Variants in CALN1 observed in about 807,000 individuals in gnomAD.
The protein encoded by CALN1 is calneuron 1.
A neutral mutation model predicts 30.6 loss-of-function variants in CALN1; 17 were observed. That is an observed-to-expected ratio of 0.56 (90% CI 0.38 to 0.83). CALN1 has a LOEUF of 0.83. Ranked by LOEUF, CALN1 falls within the 40% of genes least tolerant of loss-of-function variation. CALN1 has a pLI of 0.00. For missense variants in CALN1, 291 were observed against 354.9 expected (o/e 0.82, Z 1.45); for synonymous variants, 156 against 131.4 (o/e 1.19, Z -1.28).
chr7:72,037,754 C>T (rs1412473000), intron 4 of CALN1, among the ~76,000 whole-genome samples: 1 of 151,846 alleles, frequency 6.6e-6, no homozygotes, highest in Non-Finnish European at 1.5e-5. Context: ...GCTGTCTTTA[C>T]CACCCAAGCC....
chr7:72,408,313 C>T (rs370607073), intron 1 of CALN1, among the ~76,000 whole-genome samples: 4 of 150,402 alleles, frequency 2.7e-5, no homozygotes, highest in East Asian at 3.9e-4. Context: ...TGGTGGCTCA[C>T]GCTTGTAGTC....
intron 5 of CALN1, among the ~76,000 whole-genome samples, chr7:71,911,489 T>A (rs1341520734): frequency 1.3e-5 from 2 of 152,168 alleles, no homozygotes; most frequent in Non-Finnish European, 2.9e-5. Context: ...GTCAGCTTAG[T>A]ACTCGAGAGG....
chr7:72,314,725 A>T (rs978571899), intron 2 of CALN1, among the ~76,000 whole-genome samples: 1 of 151,904 alleles, frequency 6.6e-6, no homozygotes, highest in Non-Finnish European at 1.5e-5. Context: ...ATATTTTTTA[A>T]TTTTTAAAAG....
intron 2 of CALN1, among the ~76,000 whole-genome samples, chr7:72,371,587 T>C (rs968717831): frequency 6.6e-6 from 1 of 152,216 alleles, no homozygotes; most frequent in African/African-American, 2.4e-5. Flanking sequence ...TGTGGAACTG[T>C]GAGTCAGTTA....
intron 2 of CALN1, among the ~76,000 whole-genome samples, chr7:72,339,122 C>T (rs576480647): frequency 1.3e-5 from 2 of 152,232 alleles, no homozygotes; most frequent in South Asian, 4.2e-4. Flanking sequence ...ATCTCCACTT[C>T]CATCCATGTA....
rs550109612 is a variant in CALN1, at chr7:72,405,439, G to A, written c.-73-1997C>T. Among the ~76,000 whole-genome samples, 25 of 152,204 alleles carry A rather than the reference G, an allele frequency of 1.6e-4. No homozygotes were observed. In the South Asian group the frequency reaches 5.2e-3, roughly 32 times the overall value. On this transcript the variant is annotated intron_variant, in intron 1 of 6. Transcript: ENST00000395275. ...TATGGTGGAAGGCAAAGGGCAAACA[G>A]GCATGTCTTCACACGCCTGTTTCCT...
At chr7:72,500,269 C>CATTTTTTTTT in the CALN1 span, among the ~76,000 whole-genome samples, 1 of 51,364 alleles carries the variant, frequency 1.9e-5, no homozygotes, top group Non-Finnish European at 3.3e-5. Context: ...TTCGTTCCTT[C>CATTTTTTTTT]TTTTTTTTTT....
At chr7:72,215,593 CA>C (rs35459723) in intron 3 of CALN1, among the ~76,000 whole-genome samples, 2,891 of 76,904 alleles carry the variant, frequency 0.038, 62 homozygotes, top group African/African-American at 0.1. Context: ...AACTCCTGCT[CA>C]AAAAAAAAAA....
At chr7:72,079,409 G>C (rs552845518) in intron 4 of CALN1, among the ~76,000 whole-genome samples, 3 of 152,256 alleles carry the variant, frequency 2.0e-5, no homozygotes, top group Admixed American at 2.0e-4. Flanking sequence ...TTCCTGACCT[G>C]CTTGCTTTTG....
chr7:71,907,081 G>A (rs774922535), intron 5 of CALN1, among the ~76,000 whole-genome samples: 38 of 152,276 alleles, frequency 2.5e-4, no homozygotes, highest in Non-Finnish European at 4.9e-4. Flanking sequence ...GAACATGGGG[G>A]AGCCATTCTC....
At chr7:72,336,514 G>A (rs1045923061) in intron 2 of CALN1, among the ~76,000 whole-genome samples, 1 of 151,812 alleles carries the variant, frequency 6.6e-6, no homozygotes, top group Non-Finnish European at 1.5e-5. Flanking sequence ...CCCCCAGCCC[G>A]CGGGGTGGGT....
chr7:71,820,477 C>A (rs141044526), intron 5 of CALN1, among the ~76,000 whole-genome samples: 2 of 152,336 alleles, frequency 1.3e-5, no homozygotes, highest in African/African-American at 4.8e-5. Context: ...TAAATATCTT[C>A]ACGTATTGTT....
At chr7:72,131,979 C>T (rs1471127819) in intron 3 of CALN1, among the ~76,000 whole-genome samples, 4 of 152,110 alleles carry the variant, frequency 2.6e-5, no homozygotes, top group East Asian at 3.9e-4. Context: ...ACCCTCAATC[C>T]CATTTCCCAA....
At chr7:72,205,551 A>AAAAATATATATATACATATAT in intron 3 of CALN1, among the ~76,000 whole-genome samples, 1 of 83,052 alleles carries the variant, frequency 1.2e-5, no homozygotes, top group African/African-American at 7.5e-5. Context: ...GCAAAAAAAA[A>AAAAATATATATATACATATAT]ATATATATAT....
At chr7:72,187,654 G>GCT in intron 3 of CALN1, among the ~76,000 whole-genome samples, 1 of 152,250 alleles carries the variant, frequency 6.6e-6, no homozygotes, top group African/African-American at 2.4e-5. Flanking sequence ...ACTGGTCCCT[G>GCT]CTGCCAAAAG....
intron 3 of CALN1, among the ~76,000 whole-genome samples, chr7:72,223,915 G>C (rs936138924): frequency 3.9e-5 from 6 of 152,144 alleles, no homozygotes; most frequent in Non-Finnish European, 5.9e-5. Flanking sequence ...ACCAAATACT[G>C]CATGTTCTGA....
intron 2 of CALN1, among the ~76,000 whole-genome samples, chr7:72,373,795 T>C (rs1406549737): frequency 6.6e-6 from 1 of 152,090 alleles, no homozygotes; most frequent in Non-Finnish European, 1.5e-5. Flanking sequence ...ACAGAGTAAG[T>C]CCCAAGAAAC....
intron 4 of CALN1, among the ~76,000 whole-genome samples, chr7:72,028,798 C>T (rs1438196650): frequency 6.6e-6 from 1 of 152,130 alleles, no homozygotes. Flanking sequence ...TGAGACCAGC[C>T]TGGCCAACAT....
intron 3 of CALN1, among the ~76,000 whole-genome samples, chr7:72,130,234 TA>T (rs1809043762): frequency 6.6e-6 from 1 of 152,308 alleles, no homozygotes; most frequent in African/African-American, 2.4e-5. Flanking sequence ...CTGTTTTCTT[TA>T]TAAGCTACCT....
Sources: gnomAD v4.1 joint callset for allele counts (sites outside exome capture counted in the v4.1 genomes callset) on GRCh38, gnomAD v4.1.1 for gene constraint, MANE v1.5 for transcripts, NCBI Gene and HGNC (gene_info 2026-07-23, HGNC 2026-07-21) for gene names.